Variants in TLL1 observed in about 807,000 individuals in gnomAD.
TLL1 encodes the protein tolloid like 1.
TLL1 carries 49 observed loss-of-function variants against 128.2 expected under a neutral mutation model. That is an observed-to-expected ratio of 0.38 (90% CI 0.30 to 0.48). The LOEUF (loss-of-function observed/expected upper bound fraction) is 0.48, where lower values mean the gene tolerates loss of function less well. TLL1 is among the 20% of genes least tolerant of loss of function. TLL1 has a pLI of 0.96. For missense variants in TLL1, 1,123 were observed against 1,242.0 expected (o/e 0.90, Z 1.44); for synonymous variants, 454 against 418.8 (o/e 1.08, Z -1.03).
intron 1 of TLL1, among the ~76,000 whole-genome samples, chr4:165,978,616 G>T (rs974475247): frequency 6.6e-6 from 1 of 152,074 alleles, no homozygotes; most frequent in African/African-American, 2.4e-5. Context: ...TATTTAAGTT[G>T]CTGTTTTTTG....
intron 12 of TLL1, among the ~76,000 whole-genome samples, chr4:166,049,195 A>G (rs930272169): frequency 6.6e-6 from 1 of 152,178 alleles, no homozygotes; most frequent in African/African-American, 2.4e-5. Flanking sequence ...CTGAAAGATT[A>G]GCACTTGTTA....
At chr4:165,925,408 G>A (rs1289545452) in intron 1 of TLL1, among the ~76,000 whole-genome samples, 12 of 152,184 alleles carry the variant, frequency 7.9e-5, no homozygotes, top group Admixed American at 7.9e-4. Context: ...AGTGGAGGAA[G>A]TAATTGCAGA....
At chr4:166,044,443 A>T (rs777454138) in intron 12 of TLL1, 1 of 1,534,656 alleles carries the variant, frequency 6.5e-7, no homozygotes, top group Non-Finnish European at 8.7e-7. Flanking sequence ...TGTAAATTCT[A>T]TTTCTTCAGT....
At chr4:166,015,017 T>G (rs1737870577) in intron 8 of TLL1, among the ~76,000 whole-genome samples, 1 of 150,366 alleles carries the variant, frequency 6.7e-6, no homozygotes, top group African/African-American at 2.5e-5. Context: ...ATTTATAACT[T>G]TGTTGTAAAA....
intron 1 of TLL1, among the ~76,000 whole-genome samples, chr4:165,960,105 A>G (rs769132827): frequency 6.6e-6 from 1 of 152,098 alleles, no homozygotes; most frequent in African/African-American, 2.4e-5. Context: ...ATTAACAAAT[A>G]GAAAGAAGAT....
intron 8 of TLL1, among the ~76,000 whole-genome samples, chr4:166,016,493 G>A (rs79730772): frequency 0.037 from 5,600 of 151,996 alleles, 110 homozygotes; most frequent in East Asian, 0.066. Flanking sequence ...TTATGATATT[G>A]TAATTTATTT....
intron 19 of TLL1, 43 bp from the exon 20 acceptor site, chr4:166,099,234 A>G (rs749946270): frequency 6.2e-7 from 1 of 1,612,962 alleles, no homozygotes; most frequent in Non-Finnish European, 8.5e-7. Context: ...GGACCCGTTA[A>G]AGCTCATTGA....
intron 12 of TLL1, 33 bp from the exon 13 acceptor site, chr4:166,055,043 A>G: frequency 1.3e-6 from 2 of 1,576,074 alleles, no homozygotes; most frequent in South Asian, 1.1e-5. Flanking sequence ...TTATCTATAA[A>G]CATATATTTT....
At chr4:165,946,916 A>T (rs1328740710) in intron 1 of TLL1, among the ~76,000 whole-genome samples, 2 of 152,104 alleles carry the variant, frequency 1.3e-5, no homozygotes, top group Non-Finnish European at 2.9e-5. Flanking sequence ...TTGCTATATG[A>T]TGAAGAGAGA....
At chr4:166,009,532 C>A (rs201173302) in intron 7 of TLL1, among the ~76,000 whole-genome samples, 1 of 151,498 alleles carries the variant, frequency 6.6e-6, no homozygotes, top group East Asian at 1.9e-4. Flanking sequence ...TCACCCACAC[C>A]TGCTTATGAG....
chr4:165,968,273 T>G (rs1464099713), intron 1 of TLL1, among the ~76,000 whole-genome samples: 2 of 152,204 alleles, frequency 1.3e-5, no homozygotes, highest in African/African-American at 2.4e-5. Context: ...TTGTTTTGAC[T>G]ATTTTTGAAG....
intron 12 of TLL1, among the ~76,000 whole-genome samples, chr4:166,046,187 T>G (rs946028378): frequency 6.6e-6 from 1 of 152,216 alleles, no homozygotes; most frequent in African/African-American, 2.4e-5. Context: ...GGATTATATG[T>G]AAGTCAATGT....
intron 7 of TLL1, among the ~76,000 whole-genome samples, chr4:166,009,871 A>G (rs1185240198): frequency 1.3e-5 from 2 of 151,370 alleles, no homozygotes; most frequent in Non-Finnish European, 3.0e-5. Context: ...TTTTAGGCAT[A>G]CAAGTCAGTA....
intron 1 of TLL1, among the ~76,000 whole-genome samples, chr4:165,909,573 G>T (rs1451519513): frequency 6.6e-6 from 1 of 152,186 alleles, no homozygotes. Context: ...TACTTATGCA[G>T]TTGCTTTAGA....
At position 166,047,641 on chromosome 4, in the gene TLL1, T is replaced by C. The variant is rs181746339; in HGVS notation, c.1524+4222T>C. On this transcript the variant is annotated intron_variant, in intron 12 of 20. Transcript: ENST00000061240. ...CATGCTTCTATGTGAATTTATGTCA[T>C]GGCTTTACCTTTGCCAGTGCCATTT... is the stretch of plus-strand genomic sequence containing the variant. Among the ~76,000 whole-genome samples, 353 of 152,146 alleles carry C rather than the reference T, an allele frequency of 2.3e-3. 1 individual carries two copies. Among genetic ancestry groups the C allele is most frequent in the Middle Eastern group, 6.8e-3 (2 of 294 alleles).
intron 1 of TLL1, among the ~76,000 whole-genome samples, chr4:165,976,139 A>G (rs563144669): frequency 6.6e-6 from 1 of 151,982 alleles, no homozygotes; most frequent in Non-Finnish European, 1.5e-5. Context: ...TAAAACACAC[A>G]TACACACACA....
chr4:165,932,245 A>T (rs557370373), intron 1 of TLL1, among the ~76,000 whole-genome samples: 2 of 152,268 alleles, frequency 1.3e-5, no homozygotes, highest in South Asian at 4.1e-4. Context: ...TGTTTCAGCT[A>T]TTTGACATGT....
intron 1 of TLL1, among the ~76,000 whole-genome samples, chr4:165,917,506 G>A (rs538043097): frequency 6.6e-6 from 1 of 152,194 alleles, no homozygotes; most frequent in South Asian, 2.1e-4. Context: ...TTTATTAGTA[G>A]TAAACTTAGA....
intron 1 of TLL1, chr4:165,920,076 A>G (rs144625341): frequency 1.6e-3 from 341 of 216,278 alleles, no homozygotes; most frequent in African/African-American, 7.7e-3. Context: ...ACCTAAAATA[A>G]AACTTTAGAA....
Sources: allele counts gnomAD v4.1 joint callset (sites outside exome capture counted in the v4.1 genomes callset), GRCh38; gene constraint gnomAD v4.1.1; transcripts MANE v1.5; gene names NCBI Gene and HGNC (gene_info 2026-07-23, HGNC 2026-07-21).